Variants in MROH2A observed in about 807,000 individuals in gnomAD.
MROH2A encodes the protein maestro heat like repeat family member 2A, also known as maestro heat-like repeat-containing protein family member 2A.
Under a neutral mutation model 200.4 loss-of-function variants are expected in MROH2A, and 174 were observed. The observed-to-expected ratio is 0.87, with a 90% confidence interval of 0.77 to 0.98. The LOEUF (loss-of-function observed/expected upper bound fraction) is 0.98, where lower values mean the gene tolerates loss of function less well. Among genes scored for constraint, MROH2A ranks in the 50% least tolerant of loss-of-function variants. The pLI is 0.00. For missense variants in MROH2A, 2,045 were observed against 2,139.6 expected (o/e 0.96, Z 0.87); for synonymous variants, 829 against 840.4 (o/e 0.99, Z 0.23).
rs941607585 is a variant in MROH2A at position 233,828,711 on chromosome 2, G to A, written c.4195G>A (p.Glu1399Lys). 1.9e-6 allele frequency: 3 copies of A among 1,550,592 alleles called. No homozygotes were observed. The highest frequency in any genetic ancestry group is 1.4e-5 in the African/African-American group (1 of 73,068). The change falls in exon 36 of 42, where the codon GAA becomes AAA. Residue 1399 changes from glutamate (E) to lysine (K), a missense_variant. By Grantham distance (56) the Glu-to-Lys change is moderately conservative. This residue lies in a region of MROH2A where 1,201 missense variants were observed against 1,311.3 expected (regional missense o/e 0.92). Transcript: ENST00000389758. The surrounding 1 kb of genome is among the most constrained non-coding windows in gnomAD (Gnocchi z 4.6). ...GCTGGAGAAGGGTGCCGACCAGGAGGAAGACGAGGCCCTGCGGGTGCTGTC... is the reference window on the plus strand; with the variant it reads ...GCTGGAGAAGGGTGCCGACCAGGAGAAAGACGAGGCCCTGCGGGTGCTGTC... ...LLLEKGADQEEDEALRVLSLR... is the reference protein window; with the variant it reads ...LLLEKGADQEKDEALRVLSLR...
At chr2:233,776,441 C>T (rs183805339), upstream of MROH2A, among the ~76,000 whole-genome samples, 70 of 151,182 alleles carry the variant, frequency 4.6e-4, no homozygotes, top group East Asian at 9.9e-3. Flanking sequence ...CTGCAACCTC[C>T]GCCTCCTGGG....
At chr2:233,776,581 A>G (rs1016800795), upstream of MROH2A, among the ~76,000 whole-genome samples, 1 of 151,862 alleles carries the variant, frequency 6.6e-6, no homozygotes, top group Non-Finnish European at 1.5e-5. Context: ...AAGTATTTTC[A>G]ATTTGGAAAG....
chr2:233,824,519 T>G (rs1704174666), intron 35 of MROH2A, among the ~76,000 whole-genome samples: 1 of 152,208 alleles, frequency 6.6e-6, no homozygotes, highest in Non-Finnish European at 1.5e-5. Context: ...TCCTTTGATG[T>G]GCCTGAGTTT....
intron 31 of MROH2A, among the ~76,000 whole-genome samples, 194 bp from the exon 32 acceptor site, chr2:233,821,930 G>C (rs1703962950): frequency 1.3e-5 from 2 of 152,178 alleles, no homozygotes; most frequent in Admixed American, 6.5e-5. Flanking sequence ...CCCGTGCAGA[G>C]AAAGGGGGTT....
At chr2:233,786,336 C>T (rs1701208541) in intron 3 of MROH2A, among the ~76,000 whole-genome samples, 1 of 152,250 alleles carries the variant, frequency 6.6e-6, no homozygotes, top group Non-Finnish European at 1.5e-5. Context: ...AGCCTTGCTT[C>T]CTTGCTGGCT....
At chr2:233,817,131 G>A (rs1442061569) in intron 27 of MROH2A, among the ~76,000 whole-genome samples, 2 of 152,176 alleles carry the variant, frequency 1.3e-5, no homozygotes, top group East Asian at 3.9e-4. Flanking sequence ...CCCTTTTTAA[G>A]AAAAAAGATA....
chr2:233,812,987 C>CT (rs1320315472), intron 24 of MROH2A, among the ~76,000 whole-genome samples: 1 of 152,168 alleles, frequency 6.6e-6, no homozygotes, highest in African/African-American at 2.4e-5. Flanking sequence ...TCATGGGGAA[C>CT]TTTTAACAGT....
intron 1 of MROH2A, 53 bp from the exon 2 acceptor site, chr2:233,779,292 T>C: frequency 8.6e-7 from 1 of 1,168,964 alleles, no homozygotes; most frequent in Non-Finnish European, 1.3e-6. Context: ...GTTGGGGTCA[T>C]CTTAAGGTGT....
upstream of MROH2A, among the ~76,000 whole-genome samples, chr2:233,778,052 G>T (rs35807970): frequency 9.6e-3 from 1,463 of 152,194 alleles, 29 homozygotes; most frequent in African/African-American, 0.034. Context: ...CCCACCCAGG[G>T]CTCACATGAC....
intron 16 of MROH2A, among the ~76,000 whole-genome samples, 182 bp from the exon 17 acceptor site, chr2:233,803,869 G>C (rs1411899889): frequency 6.6e-6 from 1 of 152,126 alleles, no homozygotes; most frequent in Admixed American, 6.5e-5. Context: ...GGGAGCCCAG[G>C]TCTAGCCCCC....
chr2:233,832,343 C>T, intron 40 of MROH2A, 64 bp downstream of exon 40: 1 of 1,387,242 alleles, frequency 7.2e-7, no homozygotes, highest in South Asian at 1.2e-5. Flanking sequence ...CACCCCGGCA[C>T]TCGGGGGAAG....
In MROH2A at chr2:233,823,815, C is replaced by T. The variant is rs1257325760; in HGVS notation, c.4113+151C>T. On this transcript the variant is annotated intron_variant, in intron 35 of 41. Transcript: ENST00000389758. ...GTGCTCATTCTCTCATCTGCTCCTT[C>T]ATTCATTCATCACATGAGTAGTGCA... The T allele has an allele frequency of 3.1e-6, 3 of 973,402 alleles. No homozygotes were observed. In the African/African-American group the frequency reaches 4.9e-5, roughly 16 times the overall value. 60.3% of individuals were successfully genotyped at this position (973,402 alleles called of 1,614,324 possible).
chr2:233,786,491 C>G (rs559955045), intron 3 of MROH2A, among the ~76,000 whole-genome samples: 1 of 152,360 alleles, frequency 6.6e-6, no homozygotes, highest in South Asian at 2.1e-4. Flanking sequence ...TGACTTCATT[C>G]AACCCTAATT....
At position 233,811,872 on chromosome 2, in the gene MROH2A, T is replaced by C; in HGVS notation, c.2572-8T>C. On this transcript the variant is annotated splice_polypyrimidine_tract_variant and splice_region_variant and intron_variant, in intron 23 of 41. Coordinates refer to ENST00000389758, the MANE Select transcript of MROH2A (RefSeq NM_001394639.1). ...CAAAAGCCACCACCCCCTGCTTGTG[T>C]TGGACAGGCGGTCATCAAGGCAGAA... 1 of 1,548,650 alleles carries C rather than the reference T, an allele frequency of 6.5e-7. No homozygotes were observed. Among genetic ancestry groups the C allele is most frequent in the Non-Finnish European group, 8.7e-7 (1 of 1,145,346 alleles).
At chr2:233,789,758 G>A in intron 4 of MROH2A, 94 bp from the exon 5 acceptor site, 1 of 1,481,700 alleles carries the variant, frequency 6.7e-7, no homozygotes, top group Non-Finnish European at 9.0e-7. Context: ...GAGCCCAAGG[G>A]AACCAGGAGG....
At chr2:233,809,473 C>T (rs561291874) in intron 22 of MROH2A, among the ~76,000 whole-genome samples, 195 bp downstream of exon 22, 8 of 151,702 alleles carry the variant, frequency 5.3e-5, no homozygotes, top group Non-Finnish European at 1.0e-4. Flanking sequence ...GGCTGGGGGG[C>T]GGGTTGAGGA....
chr2:233,803,329 G>T, intron 15 of MROH2A, 119 bp from the exon 16 acceptor site: 1 of 1,049,544 alleles, frequency 9.5e-7, no homozygotes. Context: ...CTGGGGGTTT[G>T]GGGAACAAGA....
In MROH2A at chr2:233,809,115, T is replaced by C. The variant is rs1385392699; in HGVS notation, c.2296-11T>C. ...TGCCCCCAGTGGTTCTTTTTCTCTT[T>C]GGCCTCGTAGAAGGACCATCCCTGG... On this transcript the variant is annotated splice_polypyrimidine_tract_variant and intron_variant, in intron 21 of 41. Transcript: ENST00000389758. 1.6e-5 allele frequency: 24 copies of C among 1,544,028 alleles called. No homozygotes were observed. Among genetic ancestry groups the C allele is most frequent in the Non-Finnish European group, 2.1e-5 (24 of 1,141,570 alleles).
At chr2:233,798,721 CTGACCTCTCCCTGAGCCACA>C (rs1702269689) in intron 11 of MROH2A, 33 bp from the exon 12 acceptor site, 4 of 1,366,806 alleles carry the variant, frequency 2.9e-6, no homozygotes, top group Admixed American at 3.9e-5. Flanking sequence ...GACGAGCCAC[CTGACCTCTCCCTGAGCCACA>C]GCCCTCCAGC....
Sources: gnomAD v4.1 joint callset for allele counts (sites outside exome capture counted in the v4.1 genomes callset) on GRCh38, gnomAD v4.1.1 for gene constraint, gnomAD v4.1.1 regional missense constraint, Gnocchi (gnomAD v3.1) non-coding constraint, MANE v1.5 for transcripts, NCBI Gene and HGNC (gene_info 2026-07-23, HGNC 2026-07-21) for gene names.